The following BAZ2B variants were observed in gnomAD, a reference collection of about 807,000 sequenced individuals.
The protein encoded by BAZ2B is bromodomain adjacent to zinc finger domain protein 2B.
Under a neutral mutation model 246.0 loss-of-function variants are expected in BAZ2B, and 91 were observed. The ratio of observed to expected loss-of-function variants is 0.37; its 90% CI spans 0.31 to 0.44. The LOEUF is 0.44. Ranked by LOEUF, BAZ2B falls within the 20% of genes least tolerant of loss-of-function variation. The probability of loss-of-function intolerance (pLI) is 1.00; values close to 1 mark genes in which losing one functional copy is unlikely to be tolerated. For synonymous variants in BAZ2B, 855 were observed against 860.0 expected (o/e 0.99, Z 0.10); for missense variants, 2,332 against 2,533.7 (o/e 0.92, Z 1.71).
chr2:159,678,873 C>T, the BAZ2B span, among the ~76,000 whole-genome samples: 3 of 152,122 alleles, frequency 2.0e-5, no homozygotes, highest in Non-Finnish European at 2.9e-5. Context: ...TGTTTTCTAA[C>T]AATATAGGTT....
At chr2:159,368,475 T>C (rs2149361136) in intron 27 of BAZ2B, among the ~76,000 whole-genome samples, 1 of 152,208 alleles carries the variant, frequency 6.6e-6, no homozygotes, top group South Asian at 2.1e-4. Flanking sequence ...AGAAGGAATC[T>C]ATACCTATTA....
downstream of BAZ2B, among the ~76,000 whole-genome samples, chr2:159,316,680 A>T (rs1206276909): frequency 8.7e-6 from 1 of 114,556 alleles, no homozygotes; most frequent in Admixed American, 9.9e-5. Flanking sequence ...ACAGAGCAAG[A>T]CTCCATCTCA....
At chr2:159,493,352 T>A (rs751238297) in intron 2 of BAZ2B, among the ~76,000 whole-genome samples, 1 of 152,204 alleles carries the variant, frequency 6.6e-6, no homozygotes, top group Non-Finnish European at 1.5e-5. Context: ...ACAGTGTCTA[T>A]CTAAATGATA....
intron 2 of BAZ2B, among the ~76,000 whole-genome samples, chr2:159,497,597 T>C (rs1288075803): frequency 6.6e-6 from 1 of 152,168 alleles, no homozygotes; most frequent in Non-Finnish European, 1.5e-5. Context: ...TTCTTTCTGA[T>C]ATAAACATTT....
chr2:159,604,897 T>C (rs1016833545), intron 1 of BAZ2B, among the ~76,000 whole-genome samples: 3 of 152,060 alleles, frequency 2.0e-5, no homozygotes, highest in Non-Finnish European at 4.4e-5. Context: ...AGGAAAATTA[T>C]TGTTAAATCT....
At chr2:159,538,607 T>C (rs2086289894) in intron 2 of BAZ2B, among the ~76,000 whole-genome samples, 2 of 152,240 alleles carry the variant, frequency 1.3e-5, no homozygotes, top group South Asian at 4.1e-4. Context: ...AAAAAAGCAT[T>C]GTATATCTAT....
chr2:159,369,009 G>A (rs538400368), intron 27 of BAZ2B, among the ~76,000 whole-genome samples: 71 of 152,088 alleles, frequency 4.7e-4, no homozygotes, highest in Admixed American at 2.1e-3. Context: ...CAACACTATG[G>A]AAAATTAAAA....
chr2:159,614,435 T>C (rs969499987), intron 1 of BAZ2B, among the ~76,000 whole-genome samples: 1 of 152,266 alleles, frequency 6.6e-6, no homozygotes, highest in African/African-American at 2.4e-5. Context: ...TAGTCATTTC[T>C]TTTCAAAATG....
intron 13 of BAZ2B, among the ~76,000 whole-genome samples, chr2:159,420,109 C>T (rs2068466585): frequency 6.6e-6 from 1 of 152,146 alleles, no homozygotes; most frequent in Admixed American, 6.5e-5. Context: ...TTCTCTAAAC[C>T]AACAATCATT....
chr2:159,664,020 T>TC, the BAZ2B span, among the ~76,000 whole-genome samples: 1 of 65,732 alleles, frequency 1.5e-5, no homozygotes, highest in Middle Eastern at 5.3e-3. Context: ...ATGCTATCCC[T>TC]CCCCCCTCCC....
intron 22 of BAZ2B, among the ~76,000 whole-genome samples, chr2:159,385,668 G>A (rs2062563970): frequency 6.6e-6 from 1 of 152,008 alleles, no homozygotes; most frequent in South Asian, 2.1e-4. Context: ...GACTATAAAA[G>A]CGACACCAAC....
At chr2:159,316,637 C>A, downstream of BAZ2B, among the ~76,000 whole-genome samples, 1 of 126,552 alleles carries the variant, frequency 7.9e-6, no homozygotes, top group Non-Finnish European at 1.6e-5. Context: ...TTGCAGTGAG[C>A]CGAGATTGCA....
At chr2:159,431,996 G>A (rs1273281863) in intron 9 of BAZ2B, among the ~76,000 whole-genome samples, 2 of 152,126 alleles carry the variant, frequency 1.3e-5, no homozygotes, top group African/African-American at 4.8e-5. Flanking sequence ...CCCAGGAAGA[G>A]TGGTTTTACC....
chr2:159,513,041 C>T (rs1182934452), intron 2 of BAZ2B, among the ~76,000 whole-genome samples: 1 of 152,128 alleles, frequency 6.6e-6, no homozygotes, highest in Non-Finnish European at 1.5e-5. Context: ...GGCCTATCAC[C>T]TAATCTATCA....
chr2:159,661,285 T>C, the BAZ2B span, among the ~76,000 whole-genome samples: 3 of 152,248 alleles, frequency 2.0e-5, no homozygotes, highest in African/African-American at 7.2e-5. Context: ...TCTTTCTATA[T>C]GGCTGAGTAG....
chr2:159,672,504 C>G, the BAZ2B span, among the ~76,000 whole-genome samples: 1 of 152,144 alleles, frequency 6.6e-6, no homozygotes, highest in Non-Finnish European at 1.5e-5. Context: ...TAAACAACAA[C>G]ACATCCTGTA....
the BAZ2B span, among the ~76,000 whole-genome samples, chr2:159,656,928 T>C: frequency 1.3e-5 from 2 of 152,178 alleles, no homozygotes; most frequent in African/African-American, 4.8e-5. Flanking sequence ...TTTCTCCCAC[T>C]CTGTGGCTTG....
intron 3 of BAZ2B, among the ~76,000 whole-genome samples, chr2:159,477,419 T>G (rs976863769): frequency 3.9e-5 from 6 of 152,028 alleles, no homozygotes; most frequent in South Asian, 2.1e-4. Context: ...TAAGAATATA[T>G]TAGAAAATGG....
chr2:159,504,537 T>A (rs1255232586), intron 2 of BAZ2B, among the ~76,000 whole-genome samples: 1 of 152,162 alleles, frequency 6.6e-6, no homozygotes, highest in Non-Finnish European at 1.5e-5. Flanking sequence ...AACCAAGAAA[T>A]CTATTTGTGC....
Sources: allele counts gnomAD v4.1 joint callset (sites outside exome capture counted in the v4.1 genomes callset), GRCh38; gene constraint gnomAD v4.1.1; transcripts MANE v1.5; gene names NCBI Gene and HGNC (gene_info 2026-07-23, HGNC 2026-07-21).